The following HNRNPUL1 variants were observed in gnomAD, a reference collection of about 807,000 sequenced individuals.
HNRNPUL1 encodes heterogeneous nuclear ribonucleoprotein U like 1.
A neutral mutation model predicts 108.5 loss-of-function variants in HNRNPUL1; 14 were observed. That is an observed-to-expected ratio of 0.13 (90% CI 0.09 to 0.20). The LOEUF is 0.20. Ranked by LOEUF, HNRNPUL1 falls within the 10% of genes least tolerant of loss-of-function variation. The pLI, the probability that HNRNPUL1 is intolerant of heterozygous loss-of-function variation, is 1.00. For missense variants in HNRNPUL1, 804 were observed against 1,168.3 expected (o/e 0.69, Z 4.55); for synonymous variants, 422 against 445.2 (o/e 0.95, Z 0.66).
At chr19:41,304,327 G>T in intron 13 of HNRNPUL1, 66 bp downstream of exon 13, 1 of 1,530,838 alleles carries the variant, frequency 6.5e-7, no homozygotes, top group Non-Finnish European at 8.8e-7. Flanking sequence ...GAGCAAGTTA[G>T]GTGGAGGCGG....
intron 4 of HNRNPUL1, among the ~76,000 whole-genome samples, chr19:41,275,521 A>G (rs551645186): frequency 1.3e-5 from 2 of 152,198 alleles, no homozygotes; most frequent in Admixed American, 6.5e-5. Context: ...TGCTGAGGAT[A>G]TGGACCCTAT....
intron 1 of HNRNPUL1, chr19:41,265,466 G>C: frequency 8.0e-7 from 1 of 1,249,380 alleles, no homozygotes; most frequent in Non-Finnish European, 1.1e-6. Flanking sequence ...TGAACTAGGG[G>C]GCACCCCCAT....
At chr19:41,265,223 T>TG in intron 1 of HNRNPUL1, 1 of 1,498,646 alleles carries the variant, frequency 6.7e-7, no homozygotes, top group South Asian at 1.2e-5. Flanking sequence ...GGCTGGGGGG[T>TG]GGGGAGCCGT....
rs866321641 is a variant in HNRNPUL1, at chr19:41,294,594, C to T, written c.1426C>T (p.Arg476Cys). Residue 476 changes from arginine to cysteine, a missense_variant, in exon 10 of 15, where the codon CGC becomes TGC. Physicochemically the swap from Arg to Cys is radical, Grantham distance 180 (BLOSUM62 -3). Coordinates refer to ENST00000392006, the MANE Select transcript of HNRNPUL1 (RefSeq NM_007040.6). This position sits in a 1 kb window ranked among gnomAD's most constrained non-coding sequence, Gnocchi z 4.3. ...GLRRQRNYAGRWDVLIQQATQ... is the reference protein window; with the variant it reads ...GLRRQRNYAGCWDVLIQQATQ... ...ACGCCGGCAGCGGAACTATGCTGGC[C>T]GCTGGGATGTCCTGATCCAGCAGGC... is the stretch of plus-strand genomic sequence containing the variant. The T allele has an allele frequency of 3.1e-6, 5 of 1,614,032 alleles. No individual in the cohort carries two copies. Among genetic ancestry groups the T allele is most frequent in the Non-Finnish European group, 3.4e-6 (4 of 1,180,044 alleles).
intron 1 of HNRNPUL1, chr19:41,265,299 C>T (rs757883009): frequency 5.9e-6 from 8 of 1,361,456 alleles, no homozygotes; most frequent in Middle Eastern, 2.0e-4. Flanking sequence ...AAGGAGGATC[C>T]TGGAATATGC....
At position 41,264,671 on chromosome 19, in the gene HNRNPUL1, A is replaced by C. The variant is rs1425170505; in HGVS notation, c.168A>C (p.Arg56=). 1.3e-5 allele frequency: 21 copies of C among 1,578,854 alleles called. No individual in the cohort carries two copies. Among genetic ancestry groups the C allele is most frequent in the Non-Finnish European group, 1.7e-5 (20 of 1,169,460 alleles). Residue 56 remains arginine (R), a synonymous_variant, in exon 1 of 15, where the codon CGA becomes CGC. Coordinates refer to ENST00000392006, the MANE Select transcript of HNRNPUL1 (RefSeq NM_007040.6). Reference sequence around the variant, plus strand: ...TCGACGCCGACGACGAACCGGGGCGACCCGGGCACATCAACGAGGAGGTCG... The same window carrying C: ...TCGACGCCGACGACGAACCGGGGCGCCCCGGGCACATCAACGAGGAGGTCG... ...RELDADDEPG[R]PGHINEEVET...
Position 41,294,680 on chromosome 19 carries a change from A to G in HNRNPUL1, c.1512A>G (p.Leu504=). 4 of 1,614,128 alleles carry G rather than the reference A, an allele frequency of 2.5e-6. No homozygotes were observed. The highest frequency in any genetic ancestry group is 3.4e-6 in the Non-Finnish European group (4 of 1,180,022). Residue 504 remains leucine, a synonymous_variant, in exon 10 of 15, where the codon CTA becomes CTG. Transcript: ENST00000392006. This position sits in a 1 kb window ranked among gnomAD's most constrained non-coding sequence, Gnocchi z 4.3. ...IAARKKRNYI[L]DQTNVYGSAQ... is the part of the protein sequence containing the mutation. ...CCCGCAAGAAACGCAACTATATCCT[A>G]GATCAGGTACTTAATGATGACCATT...
chr19:41,280,839 T>A, intron 6 of HNRNPUL1: 1 of 266,566 alleles, frequency 3.8e-6, no homozygotes, highest in South Asian at 4.8e-5. Context: ...CAAGGAAGGG[T>A]TGCATCTCAG....
intron 11 of HNRNPUL1, chr19:41,302,375 T>G (rs1277691172): frequency 2.4e-6 from 1 of 412,106 alleles, no homozygotes; most frequent in East Asian, 5.9e-5. Context: ...TCCACCACCA[T>G]GCCTGGCTAA....
intron 7 of HNRNPUL1, among the ~76,000 whole-genome samples, chr19:41,287,734 A>G (rs1158274663): frequency 3.3e-5 from 5 of 151,720 alleles, no homozygotes; most frequent in Non-Finnish European, 7.4e-5. Flanking sequence ...TAATTTTTGT[A>G]TTTTTAGTAG....
chr19:41,286,654 C>T (rs2036244553), intron 7 of HNRNPUL1: 1 of 151,596 alleles, frequency 6.6e-6, no homozygotes, highest in African/African-American at 2.4e-5. Flanking sequence ...TCCACCCCAA[C>T]CTAGTAGCTG....
chr19:41,288,287 C>G (rs950224030), intron 7 of HNRNPUL1, among the ~76,000 whole-genome samples: 1 of 150,932 alleles, frequency 6.6e-6, no homozygotes, highest in Non-Finnish European at 1.5e-5. Flanking sequence ...CTCTTGTTGC[C>G]CAGGCTGGAG....
At chr19:41,287,685 G>A (rs981371194) in intron 7 of HNRNPUL1, among the ~76,000 whole-genome samples, 2 of 151,616 alleles carry the variant, frequency 1.3e-5, no homozygotes, top group African/African-American at 4.8e-5. Flanking sequence ...TCAGCCGCCC[G>A]AGTAGCTGGG....
intron 6 of HNRNPUL1, among the ~76,000 whole-genome samples, chr19:41,280,508 G>A (rs1020668199): frequency 6.6e-6 from 1 of 152,178 alleles, no homozygotes; most frequent in Admixed American, 6.5e-5. Flanking sequence ...GCAGTTGATA[G>A]GGATGGGGAA....
At chr19:41,265,409 C>T in intron 1 of HNRNPUL1, 1 of 1,481,226 alleles carries the variant, frequency 6.8e-7, no homozygotes, top group South Asian at 1.3e-5. Context: ...CTAATGGACT[C>T]AGTGCTTTGG....
intron 6 of HNRNPUL1, among the ~76,000 whole-genome samples, chr19:41,280,623 C>G (rs2035848763): frequency 6.6e-6 from 1 of 152,144 alleles, no homozygotes; most frequent in South Asian, 2.1e-4. Flanking sequence ...TAACAGCATA[C>G]TCTTTGGGTT....
At chr19:41,265,707 CTG>C (rs943256053) in intron 1 of HNRNPUL1, among the ~76,000 whole-genome samples, 8 of 151,652 alleles carry the variant, frequency 5.3e-5, no homozygotes, top group African/African-American at 1.9e-4. Context: ...CTGGAGCTAA[CTG>C]TGGGGTTTTT....
At chr19:41,303,377 G>C (rs1207288633) in intron 12 of HNRNPUL1, among the ~76,000 whole-genome samples, 3 of 146,878 alleles carry the variant, frequency 2.0e-5, no homozygotes, top group Non-Finnish European at 4.5e-5. Flanking sequence ...TTTTGAGACG[G>C]AGTTTTGCTC....
At position 41,281,215 on chromosome 19, in the gene HNRNPUL1, T is replaced by C. The variant is rs752760597; in HGVS notation, c.939T>C (p.Asn313=). The change falls in exon 7 of 15, where the codon AAT becomes AAC. Residue 313 remains asparagine (N), a synonymous_variant. Transcript: ENST00000392006. ...GAGGCACTGGGAAGAAGTCCACCAA[T>C]AGCCGGTTTGAAAACTACGGAGACA... ...GYGGTGKKST[N]SRFENYGDKF... 6.2e-7 allele frequency: 1 copy of C among 1,614,150 alleles called. No individual in the cohort carries two copies.
Sources: allele counts gnomAD v4.1 joint callset (sites outside exome capture counted in the v4.1 genomes callset), GRCh38; gene constraint gnomAD v4.1.1; non-coding constraint Gnocchi (gnomAD v3.1); transcripts MANE v1.5; gene names NCBI Gene and HGNC (gene_info 2026-07-23, HGNC 2026-07-21).